The following SLC38A1 variants were observed in gnomAD, a reference collection of about 807,000 sequenced individuals.
The protein encoded by SLC38A1 is solute carrier family 38 member 1.
SLC38A1 carries 18 observed loss-of-function variants against 60.3 expected under a neutral mutation model. The observed-to-expected ratio is 0.30, with a 90% CI of 0.21 to 0.44. The LOEUF (loss-of-function observed/expected upper bound fraction) is 0.44. Among genes scored for constraint, SLC38A1 ranks in the 20% least tolerant of loss-of-function variants. The probability of loss-of-function intolerance (pLI) is 1.00; values close to 1 mark genes in which losing one functional copy is unlikely to be tolerated. For synonymous variants in SLC38A1, 196 were observed against 212.1 expected, an observed-to-expected ratio of 0.92 and a Z score of 0.66; for missense variants, 448 against 587.2, an observed-to-expected ratio of 0.76 and a Z score of 2.45.
intron 13 of SLC38A1, 43 bp downstream of exon 13, chr12:46,201,054 TG>T: frequency 7.5e-7 from 1 of 1,340,022 alleles, no homozygotes. Context: ...TTTACTAATT[TG>T]TTTACAAATA....
chr12:46,245,796 A>T (rs893410081), intron 1 of SLC38A1, among the ~76,000 whole-genome samples: 1 of 152,172 alleles, frequency 6.6e-6, no homozygotes, highest in Non-Finnish European at 1.5e-5. Context: ...TCTTCAGAAC[A>T]GATATTGTAA....
chr12:46,214,329 T>G (rs983361323), intron 5 of SLC38A1, among the ~76,000 whole-genome samples: 4 of 152,232 alleles, frequency 2.6e-5, no homozygotes, highest in Non-Finnish European at 4.4e-5. Flanking sequence ...TTACTCTTTT[T>G]GCTGCAAGAA....
At chr12:46,199,126 G>C (rs567889812) in intron 13 of SLC38A1, among the ~76,000 whole-genome samples, 12 of 152,126 alleles carry the variant, frequency 7.9e-5, no homozygotes, top group South Asian at 2.1e-4. Flanking sequence ...GCTCAGGGAG[G>C]GGGTGGGGTG....
chr12:46,196,426 C>G, intron 16 of SLC38A1: 1 of 1,113,480 alleles, frequency 9.0e-7, no homozygotes, highest in Non-Finnish European at 1.2e-6. Context: ...ATTATGGGAC[C>G]AGGGTTGGAG....
chr12:46,228,720 T>C (rs1156665843), intron 5 of SLC38A1, among the ~76,000 whole-genome samples: 1 of 152,244 alleles, frequency 6.6e-6, no homozygotes, highest in East Asian at 1.9e-4. Context: ...TGAAAATTTC[T>C]ATGCTTCTTG....
intron 1 of SLC38A1, among the ~76,000 whole-genome samples, chr12:46,256,642 G>C (rs1164686699): frequency 1.4e-5 from 2 of 148,080 alleles, no homozygotes; most frequent in East Asian, 4.0e-4. Flanking sequence ...CACACAGAGA[G>C]AGAGAGAGAG....
chr12:46,200,172 T>G (rs185215633), intron 13 of SLC38A1, among the ~76,000 whole-genome samples: 1 of 152,334 alleles, frequency 6.6e-6, no homozygotes, highest in East Asian at 1.9e-4. Flanking sequence ...AAAAATTAAA[T>G]GTGGTATTTA....
intron 1 of SLC38A1, among the ~76,000 whole-genome samples, chr12:46,258,170 T>C (rs1305704454): frequency 6.6e-6 from 1 of 152,202 alleles, no homozygotes; most frequent in African/African-American, 2.4e-5. Flanking sequence ...GCCATCTTCT[T>C]TACTGCAACC....
chr12:46,194,366 A>G (rs991011636), intron 16 of SLC38A1, among the ~76,000 whole-genome samples: 2 of 152,052 alleles, frequency 1.3e-5, no homozygotes, highest in Non-Finnish European at 2.9e-5. Context: ...TGCCCTTAAC[A>G]TTGTTTCCTC....
intron 9 of SLC38A1, among the ~76,000 whole-genome samples, chr12:46,205,070 C>T (rs1421586959): frequency 2.6e-5 from 4 of 152,090 alleles, no homozygotes; most frequent in Non-Finnish European, 4.4e-5. Flanking sequence ...GTAGATGAAG[C>T]GAATTTCTAG....
intron 5 of SLC38A1, among the ~76,000 whole-genome samples, chr12:46,219,017 G>A (rs892151575): frequency 2.6e-5 from 4 of 152,160 alleles, no homozygotes; most frequent in Admixed American, 2.6e-4. Context: ...ATTTGGGGAG[G>A]TTCAGACTCT....
At chr12:46,211,002 G>A (rs1436167437) in intron 5 of SLC38A1, among the ~76,000 whole-genome samples, 1 of 152,176 alleles carries the variant, frequency 6.6e-6, no homozygotes, top group East Asian at 1.9e-4. Flanking sequence ...GATACGTAAT[G>A]GAACAGGATT....
intron 1 of SLC38A1, among the ~76,000 whole-genome samples, chr12:46,248,938 C>CA (rs1565791522): frequency 6.6e-6 from 1 of 152,022 alleles, no homozygotes; most frequent in Admixed American, 6.6e-5. Context: ...GGGCAGATCA[C>CA]GAGTTCAGGA....
At chr12:46,226,232 T>C (rs1940858032) in intron 5 of SLC38A1, among the ~76,000 whole-genome samples, 1 of 152,116 alleles carries the variant, frequency 6.6e-6, no homozygotes, top group Non-Finnish European at 1.5e-5. Context: ...CAACCATCCA[T>C]AGAAGGAAGG....
At chr12:46,238,251 A>T (rs1041494232) in intron 3 of SLC38A1, among the ~76,000 whole-genome samples, 5 of 148,790 alleles carry the variant, frequency 3.4e-5, no homozygotes, top group African/African-American at 1.3e-4. Flanking sequence ...ATAGTAAGAA[A>T]CATCACCTAG....
chr12:46,197,052 G>T (rs1351866376), intron 16 of SLC38A1, among the ~76,000 whole-genome samples: 1 of 152,184 alleles, frequency 6.6e-6, no homozygotes. Flanking sequence ...TGGAAACAGT[G>T]GACTGCATAA....
chr12:46,253,372 G>C (rs375269102), intron 1 of SLC38A1, among the ~76,000 whole-genome samples: 6 of 152,186 alleles, frequency 3.9e-5, no homozygotes, highest in East Asian at 1.9e-4. Flanking sequence ...AAGGGCTGCT[G>C]GTTGCCCATT....
chr12:46,198,780 G>A (rs1939505406), intron 13 of SLC38A1, 37 bp from the exon 14 acceptor site: 1 of 1,315,064 alleles, frequency 7.6e-7, no homozygotes, highest in African/African-American at 1.5e-5. Context: ...TTTAAAAGGA[G>A]ACAAAGTATA....
At chr12:46,211,304 C>T (rs990988193) in intron 5 of SLC38A1, among the ~76,000 whole-genome samples, 1 of 152,170 alleles carries the variant, frequency 6.6e-6, no homozygotes, top group Admixed American at 6.5e-5. Context: ...CCTGTTGGGT[C>T]TACTCTGCTA....
Sources: allele counts gnomAD v4.1 joint callset (sites outside exome capture counted in the v4.1 genomes callset), GRCh38; gene constraint gnomAD v4.1.1; transcripts MANE v1.5; gene names NCBI Gene and HGNC (gene_info 2026-07-23, HGNC 2026-07-21).